Variants in MDN1 observed in about 807,000 individuals in gnomAD.
The protein encoded by MDN1 is midasin AAA ATPase 1.
A neutral mutation model predicts 669.2 loss-of-function variants in MDN1; 266 were observed. The observed-to-expected ratio is 0.40, with a 90% confidence interval of 0.36 to 0.44. The LOEUF (loss-of-function observed/expected upper bound fraction) is 0.44, where lower values mean the gene tolerates loss of function less well. Ranked by LOEUF, MDN1 falls within the 20% of genes least tolerant of loss-of-function variation. The pLI, the probability that MDN1 is intolerant of heterozygous loss-of-function variation, is 1.00. For missense variants in MDN1, 5,940 were observed against 6,754.0 expected (o/e 0.88, Z 4.22); for synonymous variants, 2,385 against 2,457.1 (o/e 0.97, Z 0.87).
Position 89,753,556 on chromosome 6 carries a change from A to G in MDN1, c.3031T>C (p.Cys1011Arg), listed in dbSNP as rs779199109. 10 of 1,613,754 alleles carry G rather than the reference A, an allele frequency of 6.2e-6. No individual in the cohort carries two copies. The highest frequency in any genetic ancestry group is 7.6e-6 in the Non-Finnish European group (9 of 1,179,718). The change falls in exon 22 of 102, where the codon TGT (cysteine) becomes CGT (arginine). Residue 1011 changes from cysteine (C) to arginine (R), a missense_variant. Cys to Arg is a radical substitution (Grantham distance 180). Coordinates refer to ENST00000369393, the MANE Select transcript of MDN1 (RefSeq NM_014611.3). ...ACATTGCCAGGGACAATGTGTTGACAGATGAGCTTCTGAACTATTGGGTGT... is the reference window on the plus strand; with the variant it reads ...ACATTGCCAGGGACAATGTGTTGACGGATGAGCTTCTGAACTATTGGGTGT... ...ASHPIVQKLICQHIVPGNVKS... is the reference protein window; with the variant it reads ...ASHPIVQKLIRQHIVPGNVKS...
chr6:89,658,543 T>C lies in MDN1; in HGVS notation c.15021+67A>G, dbSNP rs550829551. ...AGGAGTATCCTAAAAGGGATTCTAA[T>C]GGGAATAAGGTGACTTCTCCTCTTC... is the stretch of plus-strand genomic sequence containing the variant. On this transcript the variant is annotated intron_variant, in intron 89 of 101. Coordinates refer to ENST00000369393, the MANE Select transcript of MDN1 (RefSeq NM_014611.3). The C allele has an allele frequency of 2.2e-4, 343 of 1,547,222 alleles. 1 individual carries two copies. The African/African-American group carries it at 2.6e-3, about 12-fold the overall frequency.
rs754258225 is a variant in MDN1, at chr6:89,819,502, T to C, written c.102+4A>G. The stretch of plus-strand genomic sequence containing the variant: ...GGCGCTTTCCCTCTCCCTTCACGTC[T>C]TACCTGCTTGGCCAAGAACCTGCCC... On this transcript the variant is annotated splice_donor_region_variant and intron_variant, in intron 1 of 101. Coordinates refer to ENST00000369393, the MANE Select transcript of MDN1 (RefSeq NM_014611.3). 1 of 1,605,598 alleles carries C rather than the reference T, an allele frequency of 6.2e-7. No individual in the cohort carries two copies. Among genetic ancestry groups the C allele is most frequent in the South Asian group, 1.1e-5 (1 of 91,078 alleles).
chr6:89,727,792 C>T, intron 37 of MDN1, 41 bp downstream of exon 37: 1 of 1,613,352 alleles, frequency 6.2e-7, no homozygotes. Flanking sequence ...GCTCCTCACA[C>T]ACATGATCAC....
intron 63 of MDN1, 114 bp downstream of exon 63, chr6:89,692,329 G>A (rs1812424955): frequency 5.6e-6 from 5 of 889,512 alleles, no homozygotes; most frequent in African/African-American, 3.4e-5. Context: ...AAATGCCCAC[G>A]CCCCAACGAC....
intron 99 of MDN1, 152 bp from the exon 100 acceptor site, chr6:89,646,755 G>A (rs1045318154): frequency 1.5e-6 from 1 of 648,356 alleles, no homozygotes; most frequent in Non-Finnish European, 2.7e-6. Flanking sequence ...CTGGCCGTAT[G>A]TAGTTAAAAA....
chr6:89,713,729 C>T (rs567645010), intron 46 of MDN1, among the ~76,000 whole-genome samples: 1 of 152,240 alleles, frequency 6.6e-6, no homozygotes, highest in East Asian at 1.9e-4. Context: ...AAAATGAAAA[C>T]ATATGCCTTG....
At chr6:89,687,699 T>C (rs759189449) in intron 67 of MDN1, among the ~76,000 whole-genome samples, 45 of 152,168 alleles carry the variant, frequency 3.0e-4, no homozygotes, top group Non-Finnish European at 4.7e-4. Context: ...CTCTTTGCTA[T>C]CTGACCTAGA....
Position 89,658,801 on chromosome 6 carries a change from C to T in MDN1, c.14830G>A (p.Gly4944Ser). 6.2e-7 allele frequency: 1 copy of T among 1,614,194 alleles called. No individual in the cohort carries two copies. Among genetic ancestry groups the T allele is most frequent in the African/African-American group, 1.3e-5 (1 of 75,052 alleles). ...TCTGCCTTGTCATCTTCACTGGGGCCTTCCTCAGGCTCCTGTGGACTCTGA... is the reference window on the plus strand; with the variant it reads ...TCTGCCTTGTCATCTTCACTGGGGCTTTCCTCAGGCTCCTGTGGACTCTGA... ...ESQSPQEPEE[G>S]PSEDDKAEGE... Residue 4944 changes from glycine (G) to serine (S), a missense_variant, in exon 89 of 102, where the codon GGC becomes AGC. This residue lies in a region of MDN1 where 2,280 missense variants were observed against 2,576.3 expected (regional missense o/e 0.88). Coordinates refer to ENST00000369393, the MANE Select transcript of MDN1 (RefSeq NM_014611.3).
intron 33 of MDN1, among the ~76,000 whole-genome samples, chr6:89,738,118 A>C (rs928336096): frequency 6.6e-6 from 1 of 152,244 alleles, no homozygotes; most frequent in African/African-American, 2.4e-5. Flanking sequence ...GTCAAGTGGT[A>C]ATGATGAAAA....
intron 76 of MDN1, among the ~76,000 whole-genome samples, chr6:89,676,633 G>A (rs957053868): frequency 2.6e-5 from 4 of 152,342 alleles, no homozygotes; most frequent in Admixed American, 2.0e-4. Context: ...ATCAAAAGGA[G>A]GAAACTACTA....
intron 25 of MDN1, 27 bp downstream of exon 25, chr6:89,749,516 T>G (rs561833844): frequency 6.2e-7 from 1 of 1,610,394 alleles, no homozygotes; most frequent in Non-Finnish European, 8.5e-7. Context: ...GTTAACAAAT[T>G]GAAGGAAGGA....
intron 76 of MDN1, among the ~76,000 whole-genome samples, chr6:89,676,730 T>C (rs1811220059): frequency 6.6e-6 from 1 of 152,230 alleles, no homozygotes; most frequent in Non-Finnish European, 1.5e-5. Flanking sequence ...AAATTTCCCC[T>C]TTCTACAATG....
Position 89,803,519 on chromosome 6 carries a change from AC to A in MDN1, c.137del (p.Ser46IlefsTer3). On this transcript the variant is annotated frameshift_variant, in exon 2 of 102. Coordinates refer to ENST00000369393, the MANE Select transcript of MDN1 (RefSeq NM_014611.3). ...TATCCAAAAGCAACTGTGCTAAGGT[AC>A]TCAGGACACACTGGCGATCTTGAGG... ...WTPQDRQCVL[S>X]TLAQLLLDKD... is the part of the protein sequence containing the mutation. 1 of 1,613,858 alleles carries A rather than the reference AC, an allele frequency of 6.2e-7. No individual in the cohort carries two copies. The highest frequency in any genetic ancestry group is 8.5e-7 in the Non-Finnish European group (1 of 1,179,972).
intron 78 of MDN1, 131 bp downstream of exon 78, chr6:89,675,333 C>T: frequency 1.4e-6 from 1 of 727,422 alleles, no homozygotes; most frequent in Admixed American, 2.8e-5. Context: ...CCCTACCTGC[C>T]TCTTTGGGCC....
At position 89,718,854 on chromosome 6, in the gene MDN1, A is replaced by C; in HGVS notation, c.6234T>G (p.Leu2078=). The C allele has an allele frequency of 1.2e-6, 2 of 1,614,188 alleles. No homozygotes were observed. Among genetic ancestry groups the C allele is most frequent in the Non-Finnish European group, 1.7e-6 (2 of 1,180,046 alleles). ...ASVGKTSLVQ[L]LAHLTGHTLK... is the part of the protein sequence containing the mutation. ...ATGTGTGGCCAGTAAGGTGTGCCAG[A>C]AGCTGGACCAGGCTGGTCTTGCCCA... is the stretch of plus-strand genomic sequence containing the variant. The change falls in exon 42 of 102, where the codon CTT becomes CTG. Residue 2078 remains leucine, a synonymous_variant. Transcript: ENST00000369393.
chr6:89,684,558 T>C (rs1443790379), intron 71 of MDN1, among the ~76,000 whole-genome samples: 1 of 151,928 alleles, frequency 6.6e-6, no homozygotes, highest in Non-Finnish European at 1.5e-5. Context: ...AATTCAGTAG[T>C]GTGTGGACCA....
intron 73 of MDN1, among the ~76,000 whole-genome samples, chr6:89,681,180 CT>C (rs57095551): frequency 0.15 from 21,832 of 147,332 alleles, 1,730 homozygotes; most frequent in South Asian, 0.29. Flanking sequence ...GATTTCTTTC[CT>C]TTTTTTTTTT....
At position 89,753,413 on chromosome 6, in the gene MDN1, T is replaced by C. The variant is rs577008230; in HGVS notation, c.3075+99A>G. The C allele has an allele frequency of 7.7e-5, 69 of 893,452 alleles. No homozygotes were observed. In the East Asian group the frequency reaches 1.5e-3, roughly 20 times the overall value. 55.3% of individuals were successfully genotyped at this position (893,452 alleles called of 1,614,324 possible). On this transcript the variant is annotated intron_variant, in intron 22 of 101. Transcript: ENST00000369393. ...AACTTTTTGCAACAGATTACCTTTA[T>C]AATTAAAAAGTTATGTGAAAAAAAA... is the stretch of plus-strand genomic sequence containing the variant.
Position 89,701,639 on chromosome 6 carries a change from C to T in MDN1, c.8346G>A (p.Gln2782=). 6.2e-7 allele frequency: 1 copy of T among 1,614,078 alleles called. No individual in the cohort carries two copies. The highest frequency in any genetic ancestry group is 8.5e-7 in the Non-Finnish European group (1 of 1,179,966). Residue 2782 remains glutamine, a synonymous_variant, in exon 55 of 102, where the codon CAG becomes CAA. Coordinates refer to ENST00000369393, the MANE Select transcript of MDN1 (RefSeq NM_014611.3). ...KEVQTVSEHI[Q]NCLGSQTGGF... is the part of the protein sequence containing the mutation. Reference sequence around the variant, plus strand: ...CACCAGTCTGGCTCCCCAGACAATTCTGAATATGTTCTGAGACAGTCTGAA... The same window carrying T: ...CACCAGTCTGGCTCCCCAGACAATTTTGAATATGTTCTGAGACAGTCTGAA...
Sources: allele counts gnomAD v4.1 joint callset (sites outside exome capture counted in the v4.1 genomes callset), GRCh38; gene constraint gnomAD v4.1.1; regional missense constraint gnomAD v4.1.1; transcripts MANE v1.5; gene names NCBI Gene and HGNC (gene_info 2026-07-23, HGNC 2026-07-21).